Variants in RASGRF1 observed in about 807,000 individuals in gnomAD.
RASGRF1 encodes the protein ras-specific guanine nucleotide-releasing factor 1.
In RASGRF1, 40 loss-of-function variants were observed where a neutral mutation model predicts 138.7. The ratio of observed to expected loss-of-function variants is 0.29; its 90% confidence interval spans 0.22 to 0.38. The LOEUF (loss-of-function observed/expected upper bound fraction) is 0.38, where lower values mean the gene tolerates loss of function less well. RASGRF1 is among the 10% of genes least tolerant of loss of function. The probability of loss-of-function intolerance (pLI) is 1.00; values close to 1 mark genes in which losing one functional copy is unlikely to be tolerated. For synonymous variants in RASGRF1, 614 were observed against 663.2 expected (o/e 0.93, Z 1.14); for missense variants, 1,108 against 1,650.4 (o/e 0.67, Z 5.69).
At position 78,998,834 on chromosome 15, in the gene RASGRF1, A is replaced by G. The variant is rs1434566345; in HGVS notation, c.2747-9T>C. 6.2e-7 allele frequency: 1 copy of G among 1,603,426 alleles called. No homozygotes were observed. Among genetic ancestry groups the G allele is most frequent in the Non-Finnish European group, 8.5e-7 (1 of 1,170,554 alleles). On this transcript the variant is annotated splice_polypyrimidine_tract_variant and intron_variant, in intron 17 of 26. Transcript: ENST00000558480. ...CTGGTCTGGGGGAAACCCTGGCAGC[A>G]TGCGTGGCAGAGGGGAGAGAGGACA... is the stretch of plus-strand genomic sequence containing the variant.
At chr15:79,019,040 G>A (rs1185308109) in intron 11 of RASGRF1, among the ~76,000 whole-genome samples, 1 of 152,072 alleles carries the variant, frequency 6.6e-6, no homozygotes, top group Non-Finnish European at 1.5e-5. Context: ...AGTGGTAACA[G>A]GGGCTGAACA....
chr15:79,008,303 T>C (rs974683308), intron 13 of RASGRF1, among the ~76,000 whole-genome samples: 1 of 152,220 alleles, frequency 6.6e-6, no homozygotes, highest in African/African-American at 2.4e-5. Flanking sequence ...GTGCCTTCAA[T>C]GAGCAGGGCA....
intron 24 of RASGRF1, among the ~76,000 whole-genome samples, chr15:78,977,598 T>C (rs1031180782): frequency 2.0e-5 from 3 of 152,124 alleles, no homozygotes; most frequent in African/African-American, 7.2e-5. Context: ...TGTAGATAAA[T>C]TGATTCTCAC....
chr15:79,045,801 G>A (rs1305807316), intron 5 of RASGRF1, among the ~76,000 whole-genome samples: 8 of 152,218 alleles, frequency 5.3e-5, no homozygotes, highest in Non-Finnish European at 7.3e-5. Flanking sequence ...AGGACACAGG[G>A]AAGGTGGCCC....
In RASGRF1 at chr15:78,961,835, C is replaced by CT. The variant is rs1301966280; in HGVS notation, c.*308dup. ...GGAGGGACGGAAGCAGGACTGGAGT[C>CT]TAAGATTCTTGTATGCAAGGGTGCT... On this transcript the variant is annotated 3_prime_UTR_variant, in exon 27 of 27. Coordinates refer to ENST00000558480, the MANE Select transcript of RASGRF1 (RefSeq NM_001145648.3). The CT allele has an allele frequency of 8.3e-6, 2 of 239,622 alleles. No homozygotes were observed. The highest frequency in any genetic ancestry group is 1.6e-5 in the Non-Finnish European group (2 of 123,590). The allele number at this position is 239,622 out of a possible 1,614,324, so 14.8% of individuals were successfully genotyped here. A position where few individuals can be genotyped will look rare whatever the true frequency, so the allele number is the denominator to read the frequency against.
At chr15:79,049,675 G>A (rs1353929751) in intron 3 of RASGRF1, 87 bp from the exon 4 acceptor site, 34 of 1,122,430 alleles carry the variant, frequency 3.0e-5, no homozygotes, top group Non-Finnish European at 4.1e-5. Context: ...GGAACAGGGT[G>A]GCAGCCGAGT....
Position 79,060,573 on chromosome 15 carries a change from G to A in RASGRF1, c.384-2092C>T, listed in dbSNP as rs2057590556. Among the ~76,000 whole-genome samples, 2 of 152,188 alleles carry A rather than the reference G, an allele frequency of 1.3e-5. 1 individual carries two copies. The highest frequency in any genetic ancestry group is 4.1e-4 in the South Asian group (2 of 4,828). On this transcript the variant is annotated intron_variant, in intron 2 of 26. Transcript: ENST00000558480. The stretch of plus-strand genomic sequence containing the variant: ...ACCCCCGCTCAGGCACCCATGTCCT[G>A]TGTGACATTGGGTCACACGTCTGTC...
chr15:79,077,183 C>T (rs1478278157), intron 1 of RASGRF1, among the ~76,000 whole-genome samples: 1 of 152,094 alleles, frequency 6.6e-6, no homozygotes, highest in Non-Finnish European at 1.5e-5. Flanking sequence ...ACCAGTGTTC[C>T]AGGGAGTCCA....
rs1261488411 is a variant in RASGRF1, at chr15:78,960,033, G to C, written c.*2111C>G. On this transcript the variant is annotated 3_prime_UTR_variant, in exon 27 of 27. Transcript: ENST00000558480. Reference sequence around the variant, plus strand: ...TCAGATGAGAACAGTGAAGCTCTGAGAGGTTAAGTGACTTGGCTGAGCTCA... The same window carrying C: ...TCAGATGAGAACAGTGAAGCTCTGACAGGTTAAGTGACTTGGCTGAGCTCA... The C allele has an allele frequency of 6.6e-6, 1 of 152,178 alleles. No individual in the cohort carries two copies. Among genetic ancestry groups the C allele is most frequent in the African/African-American group, 2.4e-5 (1 of 41,450 alleles). 9.4% of individuals were successfully genotyped at this position (152,178 alleles called of 1,614,324 possible).
At chr15:79,077,272 G>A (rs1036563075) in intron 1 of RASGRF1, among the ~76,000 whole-genome samples, 1 of 152,072 alleles carries the variant, frequency 6.6e-6, no homozygotes, top group Admixed American at 6.5e-5. Context: ...TTTATTATTT[G>A]GCCTTGGGGT....
At chr15:79,030,729 C>A (rs2057124756) in intron 8 of RASGRF1, among the ~76,000 whole-genome samples, 1 of 152,214 alleles carries the variant, frequency 6.6e-6, no homozygotes. Context: ...ACATCAAATC[C>A]ATCAGAAAAT....
intron 20 of RASGRF1, among the ~76,000 whole-genome samples, chr15:78,992,518 G>T (rs1193710154): frequency 6.6e-6 from 1 of 152,214 alleles, no homozygotes; most frequent in Non-Finnish European, 1.5e-5. Flanking sequence ...CCTCGTGGAA[G>T]GTCTGCTGGA....
chr15:78,978,215 C>CTTTTTTTTTTTTTTT (rs2055915117), intron 24 of RASGRF1, among the ~76,000 whole-genome samples: 7 of 79,334 alleles, frequency 8.8e-5, no homozygotes, highest in African/African-American at 3.6e-4. Flanking sequence ...TTTTTCTTTT[C>CTTTTTTTTTTTTTTT]TTTTGTTTTT....
At chr15:78,976,200 T>G (rs2055866883) in intron 24 of RASGRF1, among the ~76,000 whole-genome samples, 1 of 152,024 alleles carries the variant, frequency 6.6e-6, no homozygotes, top group African/African-American at 2.4e-5. Context: ...GGTTCAGCTG[T>G]GGGAAGGTGG....
intron 8 of RASGRF1, among the ~76,000 whole-genome samples, chr15:79,028,792 G>A (rs1464830722): frequency 6.6e-6 from 1 of 152,186 alleles, no homozygotes; most frequent in African/African-American, 2.4e-5. Context: ...CAAGAAGGCT[G>A]GTTAATATGT....
At chr15:79,087,156 G>C (rs1040731846) in intron 1 of RASGRF1, among the ~76,000 whole-genome samples, 1 of 152,234 alleles carries the variant, frequency 6.6e-6, no homozygotes, top group African/African-American at 2.4e-5. Context: ...TTGGTGTTTG[G>C]TGCCAGAGCG....
At chr15:79,028,338 G>A (rs2057090173) in intron 8 of RASGRF1, among the ~76,000 whole-genome samples, 1 of 152,120 alleles carries the variant, frequency 6.6e-6, no homozygotes, top group South Asian at 2.1e-4. Context: ...CTTCTTGAAT[G>A]CTCTTTCTCC....
rs2057145977 is a variant in RASGRF1 at position 79,031,990 on chromosome 15, C to T, written c.1152+133G>A. 2.9e-5 allele frequency: 32 copies of T among 1,122,348 alleles called. No homozygotes were observed. The South Asian group carries it at 5.1e-4, about 18-fold the overall frequency. The allele number at this position is 1,122,348 out of a possible 1,614,324, so 69.5% of individuals were successfully genotyped here. ...TGCACCCAGCATTGTCGGCTGCTGGCCCTGACCACCTCCCCCGCCCCCTTT... is the reference window on the plus strand; with the variant it reads ...TGCACCCAGCATTGTCGGCTGCTGGTCCTGACCACCTCCCCCGCCCCCTTT... On this transcript the variant is annotated intron_variant, in intron 7 of 26. Coordinates refer to ENST00000558480, the MANE Select transcript of RASGRF1 (RefSeq NM_001145648.3).
At chr15:79,082,631 G>A (rs1340168869) in intron 1 of RASGRF1, among the ~76,000 whole-genome samples, 2 of 152,228 alleles carry the variant, frequency 1.3e-5, no homozygotes, top group Non-Finnish European at 2.9e-5. Context: ...CTGGACCACA[G>A]TGGTGGAGGA....
Sources: gnomAD v4.1 joint callset for allele counts (sites outside exome capture counted in the v4.1 genomes callset) on GRCh38, gnomAD v4.1.1 for gene constraint, MANE v1.5 for transcripts, NCBI Gene and HGNC (gene_info 2026-07-23, HGNC 2026-07-21) for gene names.